Variants in SPAG16 observed in about 807,000 individuals in gnomAD.
SPAG16 encodes sperm associated antigen 16, also known as sperm-associated antigen 16 protein.
SPAG16 carries 86 observed loss-of-function variants against 80.4 expected under a neutral mutation model. The ratio of observed to expected loss-of-function variants is 1.07; its 90% CI spans 0.90 to 1.28. The LOEUF is 1.28. SPAG16 is among the 50% of genes most tolerant of loss of function. SPAG16 has a pLI of 0.00. For missense variants in SPAG16, 870 were observed against 765.3 expected, an observed-to-expected ratio of 1.14 and a Z score of -1.61; for synonymous variants, 294 against 265.9, an observed-to-expected ratio of 1.11 and a Z score of -1.03.
chr2:213,340,930 A>G (rs1306127688), intron 6 of SPAG16, among the ~76,000 whole-genome samples: 1 of 152,184 alleles, frequency 6.6e-6, no homozygotes, highest in Non-Finnish European at 1.5e-5. Context: ...GATGATATAA[A>G]TACTCTGTAT....
chr2:213,617,466 C>T (rs1286685055), intron 10 of SPAG16, among the ~76,000 whole-genome samples: 7 of 152,084 alleles, frequency 4.6e-5, no homozygotes, highest in African/African-American at 4.8e-5. Flanking sequence ...CTCAGCCTCC[C>T]GACTGGCTGG....
At chr2:213,526,449 C>T (rs2075889652) in intron 10 of SPAG16, among the ~76,000 whole-genome samples, 1 of 152,246 alleles carries the variant, frequency 6.6e-6, no homozygotes, top group Non-Finnish European at 1.5e-5. Flanking sequence ...TTATTTTAAT[C>T]AAATTGGTTT....
chr2:213,477,026 A>G (rs990837971), intron 9 of SPAG16, among the ~76,000 whole-genome samples: 1 of 152,112 alleles, frequency 6.6e-6, no homozygotes, highest in African/African-American at 2.4e-5. Flanking sequence ...TCGGGTTTTT[A>G]TGGGCTTAGA....
intron 14 of SPAG16, among the ~76,000 whole-genome samples, chr2:214,118,125 G>C (rs1299077751): frequency 6.6e-6 from 1 of 152,040 alleles, no homozygotes; most frequent in Non-Finnish European, 1.5e-5. Flanking sequence ...CTGAAAAACT[G>C]TTAGAACTAA....
rs535028567 is a variant in SPAG16, at chr2:214,013,970, TTGTA to T, written c.1423_1426del (p.Tyr475AspfsTer6). Reference sequence around the variant, plus strand: ...TTATAGTGAAAGATGCAGATGTACTTTGTATGGACATACAGATTCTGTGAACAGC... The same window carrying T: ...TTATAGTGAAAGATGCAGATGTACTTTGGACATACAGATTCTGTGAACAGC... On this transcript the variant is annotated frameshift_variant, in exon 13 of 16. Coordinates refer to ENST00000331683, the MANE Select transcript of SPAG16 (RefSeq NM_024532.5). LOFTEE classifies it high-confidence loss of function. 2.8e-3 allele frequency: 4,573 copies of T among 1,613,336 alleles called. 13 individuals carry two copies. The highest frequency in any genetic ancestry group is 3.6e-3 in the Non-Finnish European group (4,191 of 1,179,566).
intron 10 of SPAG16, among the ~76,000 whole-genome samples, chr2:213,857,136 T>C (rs2075209803): frequency 6.6e-6 from 1 of 152,036 alleles, no homozygotes; most frequent in Non-Finnish European, 1.5e-5. Context: ...AGGCTGAAGC[T>C]GGAAAATTGC....
chr2:213,563,576 T>C (rs1224227627), intron 10 of SPAG16, among the ~76,000 whole-genome samples: 1 of 152,216 alleles, frequency 6.6e-6, no homozygotes, highest in Non-Finnish European at 1.5e-5. Context: ...CTTCCTCTTC[T>C]TAAAAGGCCA....
chr2:213,530,889 AT>A (rs546322039), intron 10 of SPAG16, among the ~76,000 whole-genome samples: 4 of 151,976 alleles, frequency 2.6e-5, no homozygotes, highest in African/African-American at 9.6e-5. Context: ...GTGTTTGTAT[AT>A]TTGTGCTTTT....
intron 10 of SPAG16, among the ~76,000 whole-genome samples, chr2:213,846,432 A>T (rs1052711835): frequency 6.6e-6 from 1 of 152,104 alleles, no homozygotes; most frequent in Non-Finnish European, 1.5e-5. Flanking sequence ...GAAGTAGCTT[A>T]TTTTACTCAC....
intron 13 of SPAG16, among the ~76,000 whole-genome samples, chr2:214,080,893 G>A (rs2051352539): frequency 6.6e-6 from 1 of 151,778 alleles, no homozygotes; most frequent in South Asian, 2.1e-4. Context: ...CAGATATACA[G>A]ATGGAGAGTC....
intron 9 of SPAG16, among the ~76,000 whole-genome samples, chr2:213,403,865 G>C (rs1468014597): frequency 6.6e-6 from 1 of 152,098 alleles, no homozygotes; most frequent in Admixed American, 6.6e-5. Flanking sequence ...AAAGTCTCAG[G>C]ATACAAAATC....
chr2:214,143,773 C>G (rs2055491526), intron 14 of SPAG16, among the ~76,000 whole-genome samples: 1 of 152,118 alleles, frequency 6.6e-6, no homozygotes, highest in African/African-American at 2.4e-5. Context: ...AGCTCCAGAC[C>G]TAAATGGAAA....
chr2:214,285,664 G>A (rs1376383583), intron 15 of SPAG16, among the ~76,000 whole-genome samples: 1 of 152,066 alleles, frequency 6.6e-6, no homozygotes, highest in Non-Finnish European at 1.5e-5. Flanking sequence ...TTAGCTAGAT[G>A]TGGTGGTGGG....
At chr2:214,389,827 C>T (rs1013478950) in intron 15 of SPAG16, among the ~76,000 whole-genome samples, 1 of 152,182 alleles carries the variant, frequency 6.6e-6, no homozygotes, top group Non-Finnish European at 1.5e-5. Flanking sequence ...ATTGCCTCAT[C>T]TGTTTTTCAA....
At chr2:213,368,737 G>A (rs2066465125) in intron 8 of SPAG16, among the ~76,000 whole-genome samples, 1 of 152,150 alleles carries the variant, frequency 6.6e-6, no homozygotes, top group African/African-American at 2.4e-5. Flanking sequence ...CAAAATCAAT[G>A]TGCAAAAATC....
In SPAG16 at chr2:213,613,991, G is replaced by C. The variant is rs537051533; in HGVS notation, c.1070+123901G>C. Among the ~76,000 whole-genome samples, 8 of 152,298 alleles carry C rather than the reference G, an allele frequency of 5.3e-5. No individual in the cohort carries two copies. In the South Asian group the frequency reaches 1.7e-3, roughly 32 times the overall value. On this transcript the variant is annotated intron_variant, in intron 10 of 15. Transcript: ENST00000331683. ...GTCACACAGTGTGGTCAGGGAGCAA[G>C]AGCTCCTCTAGGTTTGGGAACAGGA... is the stretch of plus-strand genomic sequence containing the variant.
At chr2:213,570,078 G>T (rs2059871243) in intron 10 of SPAG16, among the ~76,000 whole-genome samples, 1 of 102,702 alleles carries the variant, frequency 9.7e-6, no homozygotes, top group Non-Finnish European at 1.8e-5. Context: ...GATCGGTGGT[G>T]ATATCCCCTT....
At chr2:214,397,153 ATTTTC>A (rs1240798165) in intron 15 of SPAG16, among the ~76,000 whole-genome samples, 4 of 124,684 alleles carry the variant, frequency 3.2e-5, no homozygotes, top group African/African-American at 1.0e-4. Context: ...AAATTTTTTA[ATTTTC>A]TTTTTTTTTT....
chr2:214,154,381 T>G (rs1233619933), intron 15 of SPAG16, among the ~76,000 whole-genome samples: 7 of 152,108 alleles, frequency 4.6e-5, no homozygotes, highest in Non-Finnish European at 1.5e-5. Context: ...CTTATCAGTA[T>G]CAGATCATTA....
Sources: allele counts gnomAD v4.1 joint callset (sites outside exome capture counted in the v4.1 genomes callset), GRCh38; gene constraint gnomAD v4.1.1; transcripts MANE v1.5; gene names NCBI Gene and HGNC (gene_info 2026-07-23, HGNC 2026-07-21).